Variants in AGMO observed in about 807,000 individuals in gnomAD.
AGMO encodes alkylglycerol monooxygenase.
AGMO carries 75 observed loss-of-function variants against 60.2 expected under a neutral mutation model. The observed-to-expected ratio is 1.25, with a 90% CI of 1.03 to 1.51. The LOEUF (loss-of-function observed/expected upper bound fraction) is 1.51, where lower values mean the gene tolerates loss of function less well. Ranked by LOEUF, AGMO falls within the 40% of genes most tolerant of loss-of-function variation. The pLI is 0.00. For missense variants in AGMO, 763 were observed against 525.5 expected (o/e 1.45, Z -4.42); for synonymous variants, 261 against 177.1 (o/e 1.47, Z -3.76).
At chr7:15,161,593 A>G in the AGMO span, among the ~76,000 whole-genome samples, 1 of 151,074 alleles carries the variant, frequency 6.6e-6, no homozygotes, top group South Asian at 2.1e-4. Context: ...ATATATACAT[A>G]TATGTATCCA....
the AGMO span, among the ~76,000 whole-genome samples, chr7:15,193,849 CT>C: frequency 6.6e-6 from 1 of 152,120 alleles, no homozygotes; most frequent in African/African-American, 2.4e-5. Flanking sequence ...GCAAAACATA[CT>C]TTTATTTTGA....
At chr7:15,377,013 G>A (rs930089193) in intron 10 of AGMO, among the ~76,000 whole-genome samples, 1 of 151,998 alleles carries the variant, frequency 6.6e-6, no homozygotes, top group Non-Finnish European at 1.5e-5. Flanking sequence ...TCTAATATAT[G>A]CATAAACAGA....
chr7:15,384,613 T>C (rs1204758762), intron 10 of AGMO, among the ~76,000 whole-genome samples: 2 of 152,144 alleles, frequency 1.3e-5, no homozygotes, highest in Admixed American at 6.5e-5. Context: ...TCAACATTGC[T>C]GATTCACTGA....
chr7:15,232,789 CCACACACACACGCA>C (rs1178638023), intron 12 of AGMO, among the ~76,000 whole-genome samples: 1 of 88,484 alleles, frequency 1.1e-5, no homozygotes, highest in Non-Finnish European at 2.4e-5. Context: ...AACATGGAAA[CCACACACACACGCA>C]CACACACACA....
At chr7:15,476,545 G>A (rs966786872) in intron 3 of AGMO, among the ~76,000 whole-genome samples, 1 of 151,972 alleles carries the variant, frequency 6.6e-6, no homozygotes, top group Non-Finnish European at 1.5e-5. Context: ...TCTCAAAGTT[G>A]AGAGAAAAAT....
At chr7:15,238,784 G>A (rs1234175972) in intron 12 of AGMO, among the ~76,000 whole-genome samples, 2 of 151,894 alleles carry the variant, frequency 1.3e-5, no homozygotes, top group Non-Finnish European at 2.9e-5. Context: ...TAAATAAAAT[G>A]CATCCCTTTT....
intron 3 of AGMO, among the ~76,000 whole-genome samples, chr7:15,496,693 T>C (rs779170489): frequency 1.3e-5 from 2 of 152,176 alleles, no homozygotes; most frequent in Non-Finnish European, 2.9e-5. Context: ...TTTTATGTAA[T>C]TTTGTCAACT....
At chr7:15,374,050 T>C (rs770461759) in intron 10 of AGMO, among the ~76,000 whole-genome samples, 3 of 152,176 alleles carry the variant, frequency 2.0e-5, no homozygotes, top group Non-Finnish European at 2.9e-5. Flanking sequence ...CACTGTGAGC[T>C]TGCGGATTTG....
intron 3 of AGMO, among the ~76,000 whole-genome samples, chr7:15,476,223 G>A (rs1018946450): frequency 6.6e-6 from 1 of 152,062 alleles, no homozygotes; most frequent in Non-Finnish European, 1.5e-5. Context: ...GAGGACATTA[G>A]AAACGGATTG....
At chr7:15,269,217 T>C (rs1044939342) in intron 12 of AGMO, among the ~76,000 whole-genome samples, 1 of 152,090 alleles carries the variant, frequency 6.6e-6, no homozygotes, top group African/African-American at 2.4e-5. Context: ...TGACTCCTGA[T>C]TTAGCAGCTT....
chr7:15,212,179 C>G (rs1781610401), intron 12 of AGMO, among the ~76,000 whole-genome samples: 1 of 151,540 alleles, frequency 6.6e-6, no homozygotes, highest in Non-Finnish European at 1.5e-5. Flanking sequence ...AATAGTAACC[C>G]TTCAAATTTC....
the AGMO span, among the ~76,000 whole-genome samples, chr7:15,133,094 C>T: frequency 2.0e-5 from 3 of 152,172 alleles, no homozygotes; most frequent in Non-Finnish European, 4.4e-5. Context: ...TTGTAACTTA[C>T]TCCATTTTAT....
At chr7:15,122,123 C>A in the AGMO span, among the ~76,000 whole-genome samples, 10 of 152,098 alleles carry the variant, frequency 6.6e-5, no homozygotes, top group African/African-American at 2.4e-4. Context: ...AACAGGCAAC[C>A]TACAGAATGG....
At chr7:15,198,655 G>C (rs967427494), downstream of AGMO, among the ~76,000 whole-genome samples, 1 of 152,118 alleles carries the variant, frequency 6.6e-6, no homozygotes, top group Admixed American at 6.6e-5. Context: ...ATAATTTGGT[G>C]GGTAGGGGGC....
At chr7:15,488,252 A>C (rs1210619681) in intron 3 of AGMO, among the ~76,000 whole-genome samples, 3 of 152,216 alleles carry the variant, frequency 2.0e-5, no homozygotes, top group East Asian at 3.8e-4. Context: ...TTTGGTTATT[A>C]AAAATGTTTA....
intron 12 of AGMO, among the ~76,000 whole-genome samples, chr7:15,318,008 A>G (rs1046526905): frequency 1.0e-4 from 13 of 126,114 alleles, no homozygotes; most frequent in Non-Finnish European, 2.0e-4. Flanking sequence ...ATATATACAT[A>G]TATTTTTTTT....
At chr7:15,462,450 T>C (rs1213425470) in intron 3 of AGMO, among the ~76,000 whole-genome samples, 9 of 152,276 alleles carry the variant, frequency 5.9e-5, no homozygotes, top group South Asian at 4.1e-4. Flanking sequence ...GTACACAACA[T>C]TGGAAAAGTT....
At chr7:15,338,160 T>C (rs147612227) in intron 12 of AGMO, among the ~76,000 whole-genome samples, 1 of 152,328 alleles carries the variant, frequency 6.6e-6, no homozygotes, top group African/African-American at 2.4e-5. Flanking sequence ...TATAATTAAA[T>C]TTTTTAAGTA....
At chr7:15,270,568 T>C (rs1041405226) in intron 12 of AGMO, among the ~76,000 whole-genome samples, 6 of 148,104 alleles carry the variant, frequency 4.1e-5, no homozygotes, top group Non-Finnish European at 7.5e-5. Flanking sequence ...TGTCATTTTG[T>C]AGATTAAACA....
Sources: gnomAD v4.1 joint callset for allele counts (sites outside exome capture counted in the v4.1 genomes callset) on GRCh38, gnomAD v4.1.1 for gene constraint, MANE v1.5 for transcripts, NCBI Gene and HGNC (gene_info 2026-07-23, HGNC 2026-07-21) for gene names.